Variants in TRPC4 observed in about 807,000 individuals in gnomAD.
TRPC4 encodes transient receptor potential cation channel subfamily C member 4.
Under a neutral mutation model 99.4 loss-of-function variants are expected in TRPC4, and 49 were observed. The ratio of observed to expected loss-of-function variants is 0.49; its 90% CI spans 0.39 to 0.63. The LOEUF is 0.63. Ranked by LOEUF, TRPC4 falls within the 20% of genes least tolerant of loss-of-function variation. The pLI is 0.00. For missense variants in TRPC4, 898 were observed against 1,152.9 expected, an observed-to-expected ratio of 0.78 and a Z score of 3.20; for synonymous variants, 454 against 425.9, an observed-to-expected ratio of 1.07 and a Z score of -0.81.
chr13:37,828,169 G>A (rs940339094), intron 1 of TRPC4, among the ~76,000 whole-genome samples: 3 of 152,144 alleles, frequency 2.0e-5, no homozygotes, highest in African/African-American at 7.2e-5. Flanking sequence ...TGCACCCACT[G>A]TCTGGCACTC....
intron 1 of TRPC4, among the ~76,000 whole-genome samples, chr13:37,808,022 C>T (rs1437285718): frequency 6.6e-6 from 1 of 152,074 alleles, no homozygotes; most frequent in Non-Finnish European, 1.5e-5. Flanking sequence ...GTTCCTCTCA[C>T]ATTTATTTCC....
At chr13:37,741,161 C>T (rs1476635417) in intron 3 of TRPC4, among the ~76,000 whole-genome samples, 1 of 152,128 alleles carries the variant, frequency 6.6e-6, no homozygotes, top group Non-Finnish European at 1.5e-5. Context: ...TTACTTACTT[C>T]ACAATATTGT....
At chr13:37,785,111 G>A (rs913981133) in intron 1 of TRPC4, among the ~76,000 whole-genome samples, 1 of 152,056 alleles carries the variant, frequency 6.6e-6, no homozygotes, top group East Asian at 1.9e-4. Flanking sequence ...TTATATTATA[G>A]AATATCAAGG....
At chr13:37,639,894 A>T (rs1467346022) in intron 8 of TRPC4, among the ~76,000 whole-genome samples, 1 of 152,116 alleles carries the variant, frequency 6.6e-6, no homozygotes, top group East Asian at 1.9e-4. Flanking sequence ...TGTGAGTCCC[A>T]GCTCATATTT....
chr13:37,699,734 TA>T (rs1226525286), intron 3 of TRPC4, among the ~76,000 whole-genome samples: 1 of 152,202 alleles, frequency 6.6e-6, no homozygotes, highest in Non-Finnish European at 1.5e-5. Context: ...AAGGAAGAGC[TA>T]AATGCATATT....
chr13:37,644,073 A>G (rs1404638279), intron 8 of TRPC4, among the ~76,000 whole-genome samples: 1 of 152,214 alleles, frequency 6.6e-6, no homozygotes, highest in African/African-American at 2.4e-5. Flanking sequence ...TTGAAGGGGC[A>G]TACAATTCAA....
At chr13:37,639,011 C>T in intron 10 of TRPC4, 29 bp downstream of exon 10, 2 of 1,607,656 alleles carry the variant, frequency 1.2e-6, no homozygotes, top group Non-Finnish European at 1.7e-6. Context: ...GCACAATCTG[C>T]CTCTTGTGAT....
chr13:37,692,436 T>C, intron 3 of TRPC4, 101 bp from the exon 4 acceptor site: 1 of 1,077,568 alleles, frequency 9.3e-7, no homozygotes, highest in Non-Finnish European at 1.3e-6. Flanking sequence ...AGACAGAAAT[T>C]CTGTTTCACA....
At chr13:37,705,822 G>A (rs866245756) in intron 3 of TRPC4, among the ~76,000 whole-genome samples, 5 of 152,074 alleles carry the variant, frequency 3.3e-5, no homozygotes, top group Non-Finnish European at 5.9e-5. Context: ...AGCCCTGCAC[G>A]GTTACACTTC....
chr13:37,783,879 GT>G (rs571958280), intron 1 of TRPC4, among the ~76,000 whole-genome samples: 2 of 151,266 alleles, frequency 1.3e-5, no homozygotes, highest in African/African-American at 4.9e-5. Context: ...GTTTTGTTTT[GT>G]TTTTTTTGGT....
intron 1 of TRPC4, among the ~76,000 whole-genome samples, chr13:37,821,800 C>A (rs1958019475): frequency 6.6e-6 from 1 of 152,058 alleles, no homozygotes; most frequent in African/African-American, 2.4e-5. Flanking sequence ...ACACAATATA[C>A]AAAAATCAGC....
chr13:37,775,448 G>C lies in TRPC4; in HGVS notation c.378+7508C>G, dbSNP rs569556377. On this transcript the variant is annotated intron_variant, in intron 2 of 10. Transcript: ENST00000379705. ...AACTTTTAAGTTAAAGGGTACATGT[G>C]CAGGTTTGTTACACAGGTAAACGTG... is the stretch of plus-strand genomic sequence containing the variant. Among the ~76,000 whole-genome samples the C allele has an allele frequency of 8.7e-5, 13 of 148,578 alleles. No homozygotes were observed. In the South Asian group the frequency reaches 2.2e-3, roughly 25 times the overall value.
chr13:37,653,881 A>C, intron 7 of TRPC4, among the ~76,000 whole-genome samples: 1 of 152,208 alleles, frequency 6.6e-6, no homozygotes, highest in South Asian at 2.1e-4. Context: ...ACATTTTGGA[A>C]ATATGTTGAT....
At chr13:37,737,690 T>G (rs1955443830) in intron 3 of TRPC4, among the ~76,000 whole-genome samples, 1 of 152,074 alleles carries the variant, frequency 6.6e-6, no homozygotes, top group Non-Finnish European at 1.5e-5. Flanking sequence ...CCCAAGCTGG[T>G]CTCCAACTCC....
intron 4 of TRPC4, among the ~76,000 whole-genome samples, chr13:37,690,812 C>CT (rs11389220): frequency 0.55 from 82,233 of 149,600 alleles, 22,617 homozygotes; most frequent in Middle Eastern, 0.64. Context: ...AATAGGCTGT[C>CT]TTTTTTTTTT....
chr13:37,679,873 A>T (rs2138802054), intron 4 of TRPC4, among the ~76,000 whole-genome samples: 1 of 152,262 alleles, frequency 6.6e-6, no homozygotes, highest in South Asian at 2.1e-4. Context: ...CTGGTGGGAA[A>T]CTTAGAATTT....
At chr13:37,729,880 G>T (rs1468368495) in intron 3 of TRPC4, among the ~76,000 whole-genome samples, 2 of 152,072 alleles carry the variant, frequency 1.3e-5, no homozygotes, top group Non-Finnish European at 2.9e-5. Flanking sequence ...AGTTTTGGAA[G>T]ATGGAAGCAG....
chr13:37,828,048 G>A lies in TRPC4; in HGVS notation c.-28+41547C>T, dbSNP rs879478459. Among the ~76,000 whole-genome samples, 26 of 152,270 alleles carry A rather than the reference G, an allele frequency of 1.7e-4. 1 individual carries two copies. The South Asian group carries it at 2.5e-3, about 15-fold the overall frequency. On this transcript the variant is annotated intron_variant, in intron 1 of 10. Coordinates refer to ENST00000379705, the MANE Select transcript of TRPC4 (RefSeq NM_016179.4). ...TGACCCGATTTTCCAGGTGCCGTCC[G>A]TCACCCCTTTCTTTGACTAGGAAAG...
At chr13:37,804,982 A>G (rs1593782798) in intron 1 of TRPC4, among the ~76,000 whole-genome samples, 1 of 152,052 alleles carries the variant, frequency 6.6e-6, no homozygotes, top group African/African-American at 2.4e-5. Context: ...AATTGCCATG[A>G]TATTCTCAAA....
Sources: allele counts gnomAD v4.1 joint callset (sites outside exome capture counted in the v4.1 genomes callset), GRCh38; gene constraint gnomAD v4.1.1; transcripts MANE v1.5; gene names NCBI Gene and HGNC (gene_info 2026-07-23, HGNC 2026-07-21).